The following PRDM16 variants were observed in gnomAD, a reference collection of about 807,000 sequenced individuals.
PRDM16 encodes histone-lysine N-methyltransferase PRDM16.
In PRDM16, 23 loss-of-function variants were observed where a neutral mutation model predicts 110.6. That is an observed-to-expected ratio of 0.21 (90% CI 0.15 to 0.29). PRDM16 has a LOEUF of 0.29. Among genes scored for constraint, PRDM16 ranks in the 10% least tolerant of loss-of-function variants. PRDM16 has a pLI of 1.00. For missense variants in PRDM16, 1,615 were observed against 1,794.3 expected, an observed-to-expected ratio of 0.90 and a Z score of 1.81; for synonymous variants, 799 against 781.8, an observed-to-expected ratio of 1.02 and a Z score of -0.37.
At chr1:3,333,620 A>T (rs1642086654) in intron 3 of PRDM16, among the ~76,000 whole-genome samples, 1 of 150,578 alleles carries the variant, frequency 6.6e-6, no homozygotes, top group Non-Finnish European at 1.5e-5. Context: ...CTTGGCCAAG[A>T]GCCATCGCGG....
chr1:3,438,333 C>G lies in PRDM16; in HGVS notation c.*4522C>G, dbSNP rs1024398743. On this transcript the variant is annotated 3_prime_UTR_variant, in exon 17 of 17. Transcript: ENST00000270722. ...GACTAGGAGTCCTGAACTGCTGACG[C>G]GAAAGAGGCGCAGTTCCCAATTAAT... 2.0e-5 allele frequency: 4 copies of G among 201,496 alleles called. No individual in the cohort carries two copies. Among genetic ancestry groups the G allele is most frequent in the South Asian group, 3.8e-4 (2 of 5,246 alleles). The allele number at this position is 201,496 out of a possible 1,614,324, so 12.5% of individuals were successfully genotyped here.
chr1:3,349,968 G>A (rs982822729), intron 3 of PRDM16, among the ~76,000 whole-genome samples: 4 of 81,540 alleles, frequency 4.9e-5, no homozygotes, highest in African/African-American at 1.5e-4. Context: ...GCCTAGCGGG[G>A]TCCTGAGCCC....
chr1:3,422,276 CAGAT>C (rs1638460325), intron 12 of PRDM16, among the ~76,000 whole-genome samples: 1 of 150,608 alleles, frequency 6.6e-6, no homozygotes, highest in South Asian at 2.1e-4. Flanking sequence ...GGTGGACAGA[CAGAT>C]GGACAGACAG....
rs564844587 is a variant in PRDM16 at position 3,435,841 on chromosome 1, G to A, written c.*2030G>A. On this transcript the variant is annotated 3_prime_UTR_variant, in exon 17 of 17. Coordinates refer to ENST00000270722, the MANE Select transcript of PRDM16 (RefSeq NM_022114.4). ...GAGGCTCCTGCAGGAGGCTCAACCC[G>A]ACGGATCACAGTGAAAGGGATTCCT... 1.7e-5 allele frequency: 4 copies of A among 232,296 alleles called. No individual in the cohort carries two copies. Among genetic ancestry groups the A allele is most frequent in the South Asian group, 1.8e-4 (1 of 5,506 alleles). 14.4% of individuals were successfully genotyped at this position (232,296 alleles called of 1,614,324 possible). A position where few individuals can be genotyped will look rare whatever the true frequency, so the allele number is the denominator to read the frequency against.
In PRDM16 at chr1:3,317,202, C is replaced by T. The variant is rs1043337545; in HGVS notation, c.439-67950C>T. On this transcript the variant is annotated intron_variant, in intron 3 of 16. Transcript: ENST00000270722. ...AGTGTGAGGATGATTTCTTTCTTGC[C>T]GCTTGGTACGAGGGATGTTTGCATC... Among the ~76,000 whole-genome samples the T allele has an allele frequency of 1.1e-4, 16 of 152,154 alleles. No individual in the cohort carries two copies. In the East Asian group the frequency reaches 2.5e-3, roughly 24 times the overall value.
chr1:3,153,036 C>G (rs1643803828), intron 1 of PRDM16, among the ~76,000 whole-genome samples: 1 of 152,258 alleles, frequency 6.6e-6, no homozygotes, highest in South Asian at 2.1e-4. Context: ...ACCAGTCAGC[C>G]TGGGGCCGGG....
intron 2 of PRDM16, among the ~76,000 whole-genome samples, chr1:3,235,976 C>T (rs936395046): frequency 6.6e-6 from 1 of 152,132 alleles, no homozygotes; most frequent in Non-Finnish European, 1.5e-5. Flanking sequence ...TGGAATGGCC[C>T]AAGCATTCTG....
At chr1:3,408,548 G>A (rs576973879) in intron 8 of PRDM16, among the ~76,000 whole-genome samples, 1 of 151,060 alleles carries the variant, frequency 6.6e-6, no homozygotes, top group South Asian at 2.1e-4. Flanking sequence ...GTGGACACAT[G>A]AGCTGGTGCA....
intron 1 of PRDM16, chr1:3,133,348 G>A (rs1643372928): frequency 6.6e-6 from 1 of 152,318 alleles, no homozygotes; most frequent in Admixed American, 6.5e-5. Context: ...TGTGGGCCTG[G>A]GGGAGGTTCC....
chr1:3,337,735 T>C (rs1277740996), intron 3 of PRDM16, among the ~76,000 whole-genome samples: 1 of 152,216 alleles, frequency 6.6e-6, no homozygotes, highest in Non-Finnish European at 1.5e-5. Flanking sequence ...TCTCTCTGGT[T>C]GGGGATCCCC....
At chr1:3,145,367 G>A (rs1429066875) in intron 1 of PRDM16, among the ~76,000 whole-genome samples, 1 of 152,200 alleles carries the variant, frequency 6.6e-6, no homozygotes, top group Non-Finnish European at 1.5e-5. Context: ...GAGCCCACTG[G>A]CCAGTGACCT....
intron 15 of PRDM16, 74 bp from the exon 16 acceptor site, chr1:3,431,892 C>A: frequency 6.6e-7 from 1 of 1,509,098 alleles, no homozygotes; most frequent in Non-Finnish European, 9.1e-7. Context: ...CGGAGCTGGG[C>A]TTGCAGCATC....
intron 2 of PRDM16, among the ~76,000 whole-genome samples, chr1:3,192,932 A>G (rs1422324938): frequency 1.3e-5 from 2 of 152,172 alleles, no homozygotes; most frequent in African/African-American, 4.8e-5. Flanking sequence ...GGACTCACTG[A>G]GTCACCACCT....
chr1:3,207,066 TTA>T (rs1638768868), intron 2 of PRDM16: 1 of 152,250 alleles, frequency 6.6e-6, no homozygotes, highest in Non-Finnish European at 1.5e-5. Context: ...CAGCTGTGGC[TTA>T]GTCAAGAAGG....
intron 1 of PRDM16, among the ~76,000 whole-genome samples, chr1:3,151,038 A>C (rs1006825238): frequency 1.3e-5 from 2 of 149,426 alleles, no homozygotes; most frequent in African/African-American, 4.9e-5. Flanking sequence ...AGAGCTATGG[A>C]AGCCGGGGGC....
chr1:3,430,099 C>T (rs1638726409), intron 14 of PRDM16, among the ~76,000 whole-genome samples: 1 of 152,178 alleles, frequency 6.6e-6, no homozygotes, highest in African/African-American at 2.4e-5. Flanking sequence ...GCCCGGGGGC[C>T]CTCAGCTCCC....
At chr1:3,248,003 G>A (rs1639831585) in intron 3 of PRDM16, among the ~76,000 whole-genome samples, 1 of 152,236 alleles carries the variant, frequency 6.6e-6, no homozygotes, top group Admixed American at 6.5e-5. Context: ...GCTCCCTGGA[G>A]AGCCCGCCGG....
chr1:3,349,032 G>GA (rs1199744781), intron 3 of PRDM16, among the ~76,000 whole-genome samples: 3 of 152,220 alleles, frequency 2.0e-5, no homozygotes, highest in Non-Finnish European at 4.4e-5. Flanking sequence ...TGGGGGTGGG[G>GA]GCGGGGCCCA....
At chr1:3,262,428 G>A (rs1038152331) in intron 3 of PRDM16, among the ~76,000 whole-genome samples, 1 of 152,242 alleles carries the variant, frequency 6.6e-6, no homozygotes, top group Non-Finnish European at 1.5e-5. Context: ...CCGAGCAGGA[G>A]TCTTGCCCTG....
Sources: allele counts gnomAD v4.1 joint callset (sites outside exome capture counted in the v4.1 genomes callset), GRCh38; gene constraint gnomAD v4.1.1; transcripts MANE v1.5; gene names NCBI Gene and HGNC (gene_info 2026-07-23, HGNC 2026-07-21).